MRPS9: variants seen among roughly 807,000 people sequenced by gnomAD.
The protein encoded by MRPS9 is mitochondrial ribosomal protein S9.
MRPS9 carries 45 observed loss-of-function variants against 59.9 expected under a neutral mutation model. The ratio of observed to expected loss-of-function variants is 0.75; its 90% CI spans 0.59 to 0.96. The LOEUF (loss-of-function observed/expected upper bound fraction) is 0.96, where lower values mean the gene tolerates loss of function less well. MRPS9 is among the 40% of genes least tolerant of loss of function. The probability of loss-of-function intolerance (pLI) is 0.00; values close to 1 mark genes in which losing one functional copy is unlikely to be tolerated. For missense variants in MRPS9, 473 were observed against 481.1 expected (o/e 0.98, Z 0.16); for synonymous variants, 171 against 166.8 (o/e 1.03, Z -0.19).
Position 105,054,531 on chromosome 2 carries a change from G to C in MRPS9, c.315+5181G>C, listed in dbSNP as rs185183161. 3.9e-5 allele frequency among the ~76,000 whole-genome samples: 6 copies of C among 152,328 alleles called. No individual in the cohort carries two copies. In the South Asian group the frequency reaches 6.2e-4, roughly 16 times the overall value. Reference sequence around the variant, plus strand: ...TGCTGTGCTAGACTTTGCTGCAAGTGATTGATCGGCTTCGCTGACTCTTGT... The same window carrying C: ...TGCTGTGCTAGACTTTGCTGCAAGTCATTGATCGGCTTCGCTGACTCTTGT... On this transcript the variant is annotated intron_variant, in intron 2 of 10. Coordinates refer to ENST00000258455, the MANE Select transcript of MRPS9 (RefSeq NM_182640.3).
intron 4 of MRPS9, among the ~76,000 whole-genome samples, chr2:105,072,291 T>C (rs766304136): frequency 2.0e-5 from 3 of 152,022 alleles, no homozygotes; most frequent in Admixed American, 6.6e-5. Flanking sequence ...CATCGCAGTC[T>C]TTCAGTTTTG....
chr2:105,043,214 G>C (rs1053371205), intron 1 of MRPS9, among the ~76,000 whole-genome samples: 4 of 152,120 alleles, frequency 2.6e-5, no homozygotes, highest in African/African-American at 9.7e-5. Flanking sequence ...GGGTTTATGC[G>C]TTTTATTTGA....
intron 2 of MRPS9, among the ~76,000 whole-genome samples, chr2:105,054,598 T>G (rs911335546): frequency 1.1e-4 from 17 of 151,360 alleles, no homozygotes; most frequent in African/African-American, 2.7e-4. Flanking sequence ...GGTATCGCAT[T>G]TTATTAAATA....
chr2:105,048,467 C>T (rs7592107), intron 1 of MRPS9, among the ~76,000 whole-genome samples: 2,081 of 151,720 alleles, frequency 0.014, 52 homozygotes, highest in African/African-American at 0.048. Context: ...CTAACCTGCA[C>T]ATTGTGCACA....
At chr2:105,080,109 A>G in intron 5 of MRPS9, 47 bp downstream of exon 5, 1 of 1,349,918 alleles carries the variant, frequency 7.4e-7, no homozygotes, top group Non-Finnish European at 1.0e-6. Flanking sequence ...GTAAGCTACA[A>G]AACTAATTAT....
chr2:105,045,341 CTTTTTT>C (rs539221109), intron 1 of MRPS9, among the ~76,000 whole-genome samples: 6 of 141,264 alleles, frequency 4.2e-5, no homozygotes, highest in African/African-American at 1.3e-4. Flanking sequence ...AAACCCAATT[CTTTTTT>C]TTTTTTCATA....
At chr2:105,041,072 G>A (rs1486890552) in intron 1 of MRPS9, among the ~76,000 whole-genome samples, 1 of 152,106 alleles carries the variant, frequency 6.6e-6, no homozygotes, top group African/African-American at 2.4e-5. Flanking sequence ...AAGTTTGGCA[G>A]GAATCAGTAT....
rs375358321 is a variant in MRPS9, at chr2:105,086,052, T to A, written c.490-2932T>A. On this transcript the variant is annotated intron_variant, in intron 5 of 10. Coordinates refer to ENST00000258455, the MANE Select transcript of MRPS9 (RefSeq NM_182640.3). Reference sequence around the variant, plus strand: ...AGGTAGAATCTTAAGAGTGGTTTTATTATGCAAAAGAGAAAGAATAAATGG... The same window carrying A: ...AGGTAGAATCTTAAGAGTGGTTTTAATATGCAAAAGAGAAAGAATAAATGG... Among the ~76,000 whole-genome samples, 132 of 152,310 alleles carry A rather than the reference T, an allele frequency of 8.7e-4. 1 individual carries two copies. Among genetic ancestry groups the A allele is most frequent in the African/African-American group, 3.1e-3 (127 of 41,574 alleles).
chr2:105,051,321 T>C (rs1281025051), intron 2 of MRPS9, among the ~76,000 whole-genome samples: 3 of 152,188 alleles, frequency 2.0e-5, no homozygotes, highest in Admixed American at 6.5e-5. Flanking sequence ...CATTGAATTA[T>C]TTTATCACTT....
intron 2 of MRPS9, among the ~76,000 whole-genome samples, chr2:105,059,705 G>A (rs1679860622): frequency 1.3e-5 from 2 of 151,904 alleles, no homozygotes; most frequent in Non-Finnish European, 2.9e-5. Flanking sequence ...GTCATGGTTG[G>A]TAAACTTGTC....
chr2:105,046,685 G>T (rs1396942837), intron 1 of MRPS9, among the ~76,000 whole-genome samples: 1 of 152,044 alleles, frequency 6.6e-6, no homozygotes, highest in Non-Finnish European at 1.5e-5. Context: ...TGAGGGCTGT[G>T]GTTGGTGATT....
At chr2:105,066,436 C>T (rs931932497) in intron 2 of MRPS9, among the ~76,000 whole-genome samples, 37 of 152,150 alleles carry the variant, frequency 2.4e-4, no homozygotes, top group African/African-American at 8.2e-4. Context: ...CCTGTAAGCC[C>T]CAGACATCCT....
intron 1 of MRPS9, among the ~76,000 whole-genome samples, chr2:105,046,559 C>T (rs1341645559): frequency 1.3e-5 from 2 of 151,970 alleles, no homozygotes; most frequent in African/African-American, 4.8e-5. Context: ...CTGGGATGTC[C>T]ATCAACATCT....
At chr2:105,050,290 C>T (rs913647787) in intron 2 of MRPS9, among the ~76,000 whole-genome samples, 2 of 152,162 alleles carry the variant, frequency 1.3e-5, no homozygotes, top group Admixed American at 1.3e-4. Context: ...CAGGCACGCA[C>T]CACCATACCC....
chr2:105,052,446 T>C, intron 2 of MRPS9, among the ~76,000 whole-genome samples: 1 of 152,210 alleles, frequency 6.6e-6, no homozygotes, highest in East Asian at 1.9e-4. Context: ...TTGATTTTTG[T>C]ATGTTAAACC....
chr2:105,065,961 G>T lies in MRPS9; in HGVS notation c.316-5352G>T, dbSNP rs199687145. Among the ~76,000 whole-genome samples, 709 of 134,434 alleles carry T rather than the reference G, an allele frequency of 5.3e-3. 3 individuals are homozygous for T. Among genetic ancestry groups the T allele is most frequent in the Middle Eastern group, 0.027 (6 of 222 alleles). The allele number at this position is 134,434 out of a possible 152,430, so 88.2% of individuals were successfully genotyped here. On this transcript the variant is annotated intron_variant, in intron 2 of 10. Coordinates refer to ENST00000258455, the MANE Select transcript of MRPS9 (RefSeq NM_182640.3). Reference sequence around the variant, plus strand: ...ATTTGTAAAAGAAAAGAAAAAGAAAGAAAAAGAAAAAAATCTGCATAGAAT... The same window carrying T: ...ATTTGTAAAAGAAAAGAAAAAGAAATAAAAAGAAAAAAATCTGCATAGAAT...
intron 2 of MRPS9, among the ~76,000 whole-genome samples, chr2:105,057,119 C>A (rs1679804837): frequency 6.6e-6 from 1 of 152,062 alleles, no homozygotes; most frequent in Non-Finnish European, 1.5e-5. Context: ...TGATTTTTGC[C>A]CAGTTTCTTA....
chr2:105,093,408 T>C (rs986123290), intron 8 of MRPS9, 122 bp from the exon 9 acceptor site: 3 of 474,528 alleles, frequency 6.3e-6, no homozygotes, highest in Admixed American at 4.1e-5. Flanking sequence ...ATAATAGTTA[T>C]AGGACTTGCT....
At chr2:105,072,701 T>A (rs994831350) in intron 4 of MRPS9, among the ~76,000 whole-genome samples, 1 of 152,176 alleles carries the variant, frequency 6.6e-6, no homozygotes, top group Non-Finnish European at 1.5e-5. Context: ...TAGAAATTGG[T>A]AAGATAGCAG....
Sources: gnomAD v4.1 joint callset for allele counts (sites outside exome capture counted in the v4.1 genomes callset) on GRCh38, gnomAD v4.1.1 for gene constraint, MANE v1.5 for transcripts, NCBI Gene and HGNC (gene_info 2026-07-23, HGNC 2026-07-21) for gene names.